CATSPERB: variants seen among roughly 807,000 people sequenced by gnomAD.
CATSPERB encodes cation channel sperm-associated auxiliary subunit beta.
CATSPERB carries 93 observed loss-of-function variants against 128.3 expected under a neutral mutation model. The observed-to-expected ratio is 0.72, with a 90% CI of 0.61 to 0.86. The LOEUF (loss-of-function observed/expected upper bound fraction) is 0.86. CATSPERB is among the 40% of genes least tolerant of loss of function. The pLI is 0.00. For synonymous variants in CATSPERB, 381 were observed against 448.8 expected, an observed-to-expected ratio of 0.85 and a Z score of 1.91; for missense variants, 1,153 against 1,329.5, an observed-to-expected ratio of 0.87 and a Z score of 2.06.
intron 14 of CATSPERB, 135 bp from the exon 15 acceptor site, chr14:91,660,116 TCACACA>T (rs56413235): frequency 3.8e-4 from 92 of 239,102 alleles, no homozygotes; most frequent in South Asian, 5.7e-4. Context: ...TCTCTCTCTC[TCACACA>T]CACACACACA....
intron 22 of CATSPERB, chr14:91,603,070 G>A (rs774890281): frequency 3.8e-5 from 30 of 785,040 alleles, no homozygotes; most frequent in Non-Finnish European, 7.1e-5. Context: ...TGGGTTTTGG[G>A]CCTGCTTTTT....
intron 22 of CATSPERB, among the ~76,000 whole-genome samples, chr14:91,605,996 T>G (rs1457066447): frequency 1.3e-5 from 2 of 148,856 alleles, no homozygotes; most frequent in East Asian, 4.1e-4. Context: ...GCCAACATGG[T>G]GAAACCCCGT....
At chr14:91,712,378 T>C (rs541703092) in intron 5 of CATSPERB, among the ~76,000 whole-genome samples, 26 of 152,312 alleles carry the variant, frequency 1.7e-4, no homozygotes, top group Non-Finnish European at 3.2e-4. Context: ...ATGTGAGCTA[T>C]GCATAGATTT....
chr14:91,623,001 T>C (rs765732740), intron 18 of CATSPERB, among the ~76,000 whole-genome samples: 2 of 151,590 alleles, frequency 1.3e-5, no homozygotes, highest in Non-Finnish European at 2.9e-5. Flanking sequence ...TTCAAACAAT[T>C]CTCCTGCCTC....
intron 11 of CATSPERB, among the ~76,000 whole-genome samples, chr14:91,678,101 G>C (rs1002870467): frequency 1.3e-5 from 2 of 152,110 alleles, no homozygotes; most frequent in Non-Finnish European, 2.9e-5. Context: ...AGGGGGGAGA[G>C]AGCATTAGGA....
intron 6 of CATSPERB, among the ~76,000 whole-genome samples, chr14:91,706,407 C>T (rs192139073): frequency 2.0e-4 from 30 of 152,232 alleles, no homozygotes; most frequent in Non-Finnish European, 3.8e-4. Context: ...CTGACAATGC[C>T]CCCCTACTTA....
intron 15 of CATSPERB, among the ~76,000 whole-genome samples, chr14:91,652,602 C>T (rs1048295867): frequency 1.5e-5 from 2 of 130,680 alleles, no homozygotes; most frequent in African/African-American, 5.7e-5. Context: ...ACCCGGGAGG[C>T]GGAGGTTGCA....
At chr14:91,630,984 C>T (rs1894265033) in intron 17 of CATSPERB, among the ~76,000 whole-genome samples, 1 of 152,168 alleles carries the variant, frequency 6.6e-6, no homozygotes, top group South Asian at 2.1e-4. Flanking sequence ...ATTTTTCTTG[C>T]CTCACTGTAT....
intron 10 of CATSPERB, among the ~76,000 whole-genome samples, chr14:91,686,431 C>T (rs1251268397): frequency 1.3e-5 from 2 of 152,170 alleles, no homozygotes; most frequent in Non-Finnish European, 2.9e-5. Flanking sequence ...TAAACACCCA[C>T]ATATATCTCA....
intron 15 of CATSPERB, among the ~76,000 whole-genome samples, chr14:91,641,049 TGTTC>T (rs1894488450): frequency 8.2e-6 from 1 of 122,258 alleles, no homozygotes. Context: ...GAGAAGTGTC[TGTTC>T]ATGTCCTTCG....
chr14:91,724,456 T>A (rs1896087221), intron 3 of CATSPERB, among the ~76,000 whole-genome samples: 1 of 152,216 alleles, frequency 6.6e-6, no homozygotes, highest in African/African-American at 2.4e-5. Context: ...GTGGCCTAAG[T>A]CAAAGCAGGC....
intron 15 of CATSPERB, among the ~76,000 whole-genome samples, chr14:91,654,903 C>T (rs1894762261): frequency 3.3e-5 from 5 of 152,070 alleles, no homozygotes; most frequent in Admixed American, 3.3e-4. Flanking sequence ...CAGCTTAGCA[C>T]AGAGAAAGAG....
At chr14:91,627,273 C>G (rs1474401738) in intron 17 of CATSPERB, among the ~76,000 whole-genome samples, 1 of 152,078 alleles carries the variant, frequency 6.6e-6, no homozygotes, top group East Asian at 1.9e-4. Flanking sequence ...AAGCCACATA[C>G]TAGGAGAAAA....
At chr14:91,647,311 G>A (rs1297376664) in intron 15 of CATSPERB, among the ~76,000 whole-genome samples, 2 of 152,166 alleles carry the variant, frequency 1.3e-5, no homozygotes, top group Non-Finnish European at 2.9e-5. Context: ...CTGGTGTATG[G>A]TGGGGCACAC....
At chr14:91,603,157 G>A (rs1595141647) in intron 22 of CATSPERB, 1 of 786,568 alleles carries the variant, frequency 1.3e-6, no homozygotes, top group Non-Finnish European at 2.4e-6. Context: ...ATACCTTCAT[G>A]TATCTTTTAC....
intron 10 of CATSPERB, 81 bp from the exon 11 acceptor site, chr14:91,684,024 A>T: frequency 2.0e-6 from 2 of 984,558 alleles, no homozygotes; most frequent in Non-Finnish European, 3.0e-6. Flanking sequence ...AAACTAAAAA[A>T]TTTCAAAGTT....
At chr14:91,656,518 G>A (rs1055627231) in intron 15 of CATSPERB, among the ~76,000 whole-genome samples, 6 of 152,010 alleles carry the variant, frequency 3.9e-5, no homozygotes, top group African/African-American at 1.4e-4. Context: ...AAGAATCAGT[G>A]AGCTTGAAGA....
At chr14:91,642,670 C>T (rs1386769369) in intron 15 of CATSPERB, among the ~76,000 whole-genome samples, 1 of 103,294 alleles carries the variant, frequency 9.7e-6, no homozygotes, top group Admixed American at 1.1e-4. Flanking sequence ...CTAAAATTCT[C>T]TTTTTTGGTT....
At position 91,583,281 on chromosome 14, in the gene CATSPERB, T is replaced by C. The variant is rs1474136826; in HGVS notation, c.3133-2174A>G. 5.3e-5 allele frequency among the ~76,000 whole-genome samples: 8 copies of C among 152,118 alleles called. No individual in the cohort carries two copies. The South Asian group carries it at 1.7e-3, about 32-fold the overall frequency. On this transcript the variant is annotated intron_variant, in intron 26 of 26. Transcript: ENST00000256343. ...AAAATACAAAAAATTTAGCCAGGCA[T>C]GGTGGCGGGTGCCTGTAGTCCCCGC...
Sources: gnomAD v4.1 joint callset for allele counts (sites outside exome capture counted in the v4.1 genomes callset) on GRCh38, gnomAD v4.1.1 for gene constraint, MANE v1.5 for transcripts, NCBI Gene and HGNC (gene_info 2026-07-23, HGNC 2026-07-21) for gene names.